Variants in CTBP2 observed in about 807,000 individuals in gnomAD.
The protein encoded by CTBP2 is C-terminal-binding protein 2.
Under a neutral mutation model 80.3 loss-of-function variants are expected in CTBP2, and 30 were observed. That is an observed-to-expected ratio of 0.37 (90% CI 0.28 to 0.51). CTBP2 has a LOEUF of 0.51. Among genes scored for constraint, CTBP2 ranks in the 20% least tolerant of loss-of-function variants. The pLI is 0.93. For synonymous variants in CTBP2, 594 were observed against 587.4 expected (o/e 1.01, Z -0.16); for missense variants, 1,212 against 1,375.3 (o/e 0.88, Z 1.88).
At position 125,068,653 on chromosome 10, in the gene CTBP2, G is replaced by A. The variant is rs369852371; in HGVS notation, c.-101-29498C>T. ...CAGGGTGCAAAGGTCTTAGTGCCAT[G>A]GCCGAGACAACTACTGGGTTTCCCA... is the stretch of plus-strand genomic sequence containing the variant. On this transcript the variant is annotated intron_variant, in intron 2 of 10. Coordinates refer to the CTBP2 transcript ENST00000337195. 6.6e-5 allele frequency among the ~76,000 whole-genome samples: 10 copies of A among 152,314 alleles called. No homozygotes were observed. In the East Asian group the frequency reaches 9.6e-4, roughly 15 times the overall value.
chr10:125,059,766 A>T (rs773487897), intron 2 of CTBP2, among the ~76,000 whole-genome samples: 39 of 150,824 alleles, frequency 2.6e-4, no homozygotes, highest in Middle Eastern at 3.4e-3. Context: ...TCGCCCCGCC[A>T]ATTTCCTGCC....
chr10:125,011,384 T>C (rs949449813), intron 1 of CTBP2, among the ~76,000 whole-genome samples: 6 of 152,228 alleles, frequency 3.9e-5, no homozygotes, highest in Non-Finnish European at 8.8e-5. Context: ...AGGTGACAGC[T>C]GGACACAGAG....
At chr10:125,141,106 G>A (rs1857730878) in intron 1 of CTBP2, among the ~76,000 whole-genome samples, 1 of 151,050 alleles carries the variant, frequency 6.6e-6, no homozygotes, top group Non-Finnish European at 1.5e-5. Context: ...TCACACCACT[G>A]CACTCCAGCC....
chr10:125,038,939 C>T (rs1009120178), intron 3 of CTBP2, 58 bp downstream of exon 3: 22 of 1,561,088 alleles, frequency 1.4e-5, no homozygotes, highest in African/African-American at 6.8e-5. Context: ...GAGCAGCCAG[C>T]GAAGATTTGA....
chr10:125,145,472 A>G (rs2133325323), intron 1 of CTBP2, among the ~76,000 whole-genome samples: 1 of 152,292 alleles, frequency 6.6e-6, no homozygotes, highest in East Asian at 1.9e-4. Context: ...GTAGTATTAA[A>G]GGTATCTGCT....
rs1222447761 is a variant in CTBP2 at position 124,987,224 on chromosome 10, T to C, written c.*2294A>G. On this transcript the variant is annotated 3_prime_UTR_variant, in exon 9 of 9. Coordinates refer to ENST00000309035, the MANE Select transcript of CTBP2 (RefSeq NM_022802.3). Reference sequence around the variant, plus strand: ...TATAGTCCTTTTTCAAAGATGATTATACGTGGCTAGGTGACAGACATTAAT... The same window carrying C: ...TATAGTCCTTTTTCAAAGATGATTACACGTGGCTAGGTGACAGACATTAAT... 4 of 152,604 alleles carry C rather than the reference T, an allele frequency of 2.6e-5. No homozygotes were observed. Among genetic ancestry groups the C allele is most frequent in the Non-Finnish European group, 4.4e-5 (3 of 68,040 alleles). The allele number at this position is 152,604 out of a possible 1,614,324, so 9.5% of individuals were successfully genotyped here. A position where few individuals can be genotyped will look rare whatever the true frequency, so the allele number is the denominator to read the frequency against.
At chr10:125,035,387 C>T (rs1958745503) in intron 3 of CTBP2, among the ~76,000 whole-genome samples, 1 of 152,166 alleles carries the variant, frequency 6.6e-6, no homozygotes, top group Admixed American at 6.5e-5. Flanking sequence ...GAGAAGCACC[C>T]TCCCTGAGTC....
intron 4 of CTBP2, 105 bp from the exon 7 acceptor site, chr10:124,994,788 T>C (rs1953238343): frequency 1.8e-6 from 2 of 1,130,594 alleles, no homozygotes; most frequent in African/African-American, 1.5e-5. Flanking sequence ...TCCCCGCTGG[T>C]AGCTGCTGCC....
chr10:125,025,949 T>A, intron 1 of CTBP2: 1 of 1,245,778 alleles, frequency 8.0e-7, no homozygotes, highest in Non-Finnish European at 1.1e-6. Flanking sequence ...TGCTGCGTCC[T>A]TCTTGTTTGG....
Position 125,026,835 on chromosome 10 carries a change from C to A in CTBP2, c.925G>T (p.Ala309Ser). Residue 309 changes from alanine (A) to serine (S), a missense_variant, in exon 1 of 9, where the codon GCC becomes TCC. Ala to Ser is a moderately conservative substitution (Grantham distance 99). Coordinates refer to ENST00000309035, the MANE Select transcript of CTBP2 (RefSeq NM_022802.3). ...GAGTCAAAGCCCTGCTGCAGTAGGG[C>A]TCCCAGCGTGGCCTCTGCCAGCCCC... The A allele has an allele frequency of 6.2e-7, 1 of 1,613,574 alleles. No individual in the cohort carries two copies. Among genetic ancestry groups the A allele is most frequent in the Non-Finnish European group, 8.5e-7 (1 of 1,180,004 alleles).
chr10:124,992,381 T>G (rs1435784022), intron 8 of CTBP2, among the ~76,000 whole-genome samples: 1 of 151,962 alleles, frequency 6.6e-6, no homozygotes, highest in Non-Finnish European at 1.5e-5. Context: ...ACTGCAGGTG[T>G]GCGCCACCAC....
intron 2 of CTBP2, among the ~76,000 whole-genome samples, chr10:125,064,503 C>G (rs1262181571): frequency 2.0e-5 from 3 of 152,088 alleles, no homozygotes; most frequent in Non-Finnish European, 4.4e-5. Flanking sequence ...TTCTACTTCT[C>G]AAGGGAAGAG....
chr10:125,130,974 C>G (rs1282234894), intron 1 of CTBP2, among the ~76,000 whole-genome samples: 1 of 152,160 alleles, frequency 6.6e-6, no homozygotes, highest in Non-Finnish European at 1.5e-5. Flanking sequence ...CTCGGCTCTT[C>G]CAAAAACCGA....
chr10:125,000,109 A>G (rs1026850996), intron 3 of CTBP2: 1 of 152,344 alleles, frequency 6.6e-6, no homozygotes, highest in Non-Finnish European at 1.5e-5. Context: ...GAACTTGGAC[A>G]TTCAGCTCCG....
chr10:125,041,899 A>G (rs957449563), intron 2 of CTBP2, among the ~76,000 whole-genome samples: 6 of 151,124 alleles, frequency 4.0e-5, no homozygotes, highest in Non-Finnish European at 8.8e-5. Context: ...ATCAGCCATC[A>G]GCTTCCACAA....
Position 125,098,670 on chromosome 10 carries a change from GA to G in CTBP2, c.-102+12319del, listed in dbSNP as rs1448104249. Among the ~76,000 whole-genome samples, 4 of 98,364 alleles carry G rather than the reference GA, an allele frequency of 4.1e-5. No individual in the cohort carries two copies. In the East Asian group the frequency reaches 9.4e-4, roughly 23 times the overall value. The allele number at this position is 98,364 out of a possible 152,430, so 64.5% of individuals were successfully genotyped here. On this transcript the variant is annotated intron_variant, in intron 2 of 10. Coordinates refer to the CTBP2 transcript ENST00000337195. Reference sequence around the variant, plus strand: ...AATGGGGGAGGGGGAGAGAGAGAGAGAGAGAGAGAGAGAGAGAGAGAGAGAG... The same window carrying G: ...AATGGGGGAGGGGGAGAGAGAGAGAGGAGAGAGAGAGAGAGAGAGAGAGAG...
chr10:125,049,591 C>T (rs1962227433), intron 2 of CTBP2, among the ~76,000 whole-genome samples: 2 of 152,266 alleles, frequency 1.3e-5, no homozygotes, highest in South Asian at 2.1e-4. Flanking sequence ...CAGTGTGGAA[C>T]CTTCAGCAAG....
In CTBP2 at chr10:125,073,487, C is replaced by T. The variant is rs576224936; in HGVS notation, c.-101-34332G>A. Among the ~76,000 whole-genome samples, 8 of 152,328 alleles carry T rather than the reference C, an allele frequency of 5.3e-5. 1 individual carries two copies. The highest frequency in any genetic ancestry group is 2.0e-4 in the Admixed American group (3 of 15,292). The stretch of plus-strand genomic sequence containing the variant: ...AACTCTTGACCTCAAGTGATCCGCC[C>T]GCCTTGGCCCCCCAAAGTGCTGGGA... On this transcript the variant is annotated intron_variant, in intron 2 of 10. Transcript: ENST00000337195.
chr10:125,139,950 C>T (rs533541290), intron 1 of CTBP2, among the ~76,000 whole-genome samples: 1 of 152,248 alleles, frequency 6.6e-6, no homozygotes, highest in African/African-American at 2.4e-5. Context: ...GGTGGCCACA[C>T]ACATTCGCAA....
Sources: gnomAD v4.1 joint callset for allele counts (sites outside exome capture counted in the v4.1 genomes callset) on GRCh38, gnomAD v4.1.1 for gene constraint, MANE v1.5 for transcripts, NCBI Gene and HGNC (gene_info 2026-07-23, HGNC 2026-07-21) for gene names.